Variants in RNF126 observed in about 807,000 individuals in gnomAD.
The protein encoded by RNF126 is E3 ubiquitin-protein ligase RNF126.
RNF126 carries 20 observed loss-of-function variants against 41.9 expected under a neutral mutation model. The ratio of observed to expected loss-of-function variants is 0.48; its 90% confidence interval spans 0.34 to 0.69. RNF126 has a LOEUF of 0.69. RNF126 is among the 30% of genes least tolerant of loss of function. The pLI, the probability that RNF126 is intolerant of heterozygous loss-of-function variation, is 0.01. For missense variants in RNF126, 433 were observed against 460.6 expected (o/e 0.94, Z 0.55); for synonymous variants, 239 against 202.9 (o/e 1.18, Z -1.51).
At chr19:655,319 C>A (rs1413139679) in intron 1 of RNF126, among the ~76,000 whole-genome samples, 1 of 150,706 alleles carries the variant, frequency 6.6e-6, no homozygotes, top group Non-Finnish European at 1.5e-5. Context: ...CAGAACCAGA[C>A]CCTGCCAAAA....
rs760934536 is a variant in RNF126 at position 651,431 on chromosome 19, C to T, written c.443+180G>A. ...AACCCACACACCCTGAACCGGCATACTTCTGTCTCCGAAGGGCCGTGTGGG... is the reference window on the plus strand; with the variant it reads ...AACCCACACACCCTGAACCGGCATATTTCTGTCTCCGAAGGGCCGTGTGGG... On this transcript the variant is annotated intron_variant, in intron 4 of 8. Coordinates refer to ENST00000292363, the MANE Select transcript of RNF126 (RefSeq NM_194460.3). 32 of 538,046 alleles carry T rather than the reference C, an allele frequency of 5.9e-5. 1 individual carries two copies. The highest frequency in any genetic ancestry group is 8.8e-5 in the Non-Finnish European group (30 of 339,160). The allele number at this position is 538,046 out of a possible 1,614,324, so 33.3% of individuals were successfully genotyped here. A position where few individuals can be genotyped will look rare whatever the true frequency, so the allele number is the denominator to read the frequency against.
chr19:653,206 G>C (rs1446055041), intron 1 of RNF126, among the ~76,000 whole-genome samples: 1 of 152,078 alleles, frequency 6.6e-6, no homozygotes, highest in African/African-American at 2.4e-5. Context: ...ACCAGTGCCT[G>C]GGCACCTCCT....
chr19:655,873 G>C (rs946025745), intron 1 of RNF126, among the ~76,000 whole-genome samples: 2 of 152,152 alleles, frequency 1.3e-5, no homozygotes, highest in African/African-American at 4.8e-5. Flanking sequence ...GCCCAGACCA[G>C]GCCACGGCGG....
intron 1 of RNF126, among the ~76,000 whole-genome samples, chr19:657,690 G>A (rs976886850): frequency 2.6e-5 from 4 of 152,312 alleles, no homozygotes; most frequent in African/African-American, 9.6e-5. Context: ...GACGCCAAGG[G>A]CTGCGACCCA....
chr19:654,601 C>T (rs1434359695), intron 1 of RNF126, among the ~76,000 whole-genome samples: 4 of 115,426 alleles, frequency 3.5e-5, no homozygotes, highest in African/African-American at 1.4e-4. Flanking sequence ...TGAGATTGTG[C>T]CATTGCACTG....
In RNF126 at chr19:653,715, G is replaced by A. The variant is rs189306354; in HGVS notation, c.76-831C>T. On this transcript the variant is annotated intron_variant, in intron 1 of 8. Transcript: ENST00000292363. ...CCTCACCAGGGGCTGGGCAGATGCC[G>A]ACACACACTTCCCGCACAGCCTGCA... Among the ~76,000 whole-genome samples the A allele has an allele frequency of 2.8e-3, 419 of 152,272 alleles. 1 individual carries two copies. Among genetic ancestry groups the A allele is most frequent in the Non-Finnish European group, 3.4e-3 (232 of 68,018 alleles).
At chr19:651,572 G>C (rs776165298) in intron 4 of RNF126, 39 bp downstream of exon 4, 1 of 1,387,374 alleles carries the variant, frequency 7.2e-7, no homozygotes, top group Admixed American at 3.2e-5. Context: ...CCGACCTCAA[G>C]GCGTGGGGCC....
chr19:649,058 A>G (rs1215781834), intron 6 of RNF126, 83 bp from the exon 7 acceptor site: 15 of 651,850 alleles, frequency 2.3e-5, no homozygotes, highest in Non-Finnish European at 3.0e-5. Flanking sequence ...AGGACCTGCA[A>G]AAGCACCGAG....
rs375494893 is a variant in RNF126 at position 648,520 on chromosome 19, C to T, written c.671-33G>A. 1.6e-3 allele frequency: 2,381 copies of T among 1,504,022 alleles called. 13 individuals carry two copies. The highest frequency in any genetic ancestry group is 5.1e-3 in the South Asian group (423 of 83,406). 93.2% of individuals were successfully genotyped at this position (1,504,022 alleles called of 1,614,324 possible). A position where few individuals can be genotyped will look rare whatever the true frequency, so the allele number is the denominator to read the frequency against. The stretch of plus-strand genomic sequence containing the variant: ...AGTGTGCAGCTGCGGTCACAGCGGG[C>T]GTGGGGGGCCTGCCGAGCCTTCAAG... On this transcript the variant is annotated intron_variant, in intron 7 of 8. Coordinates refer to ENST00000292363, the MANE Select transcript of RNF126 (RefSeq NM_194460.3).
chr19:654,317 G>A (rs913089117), intron 1 of RNF126, among the ~76,000 whole-genome samples: 4 of 152,178 alleles, frequency 2.6e-5, no homozygotes, highest in Admixed American at 2.6e-4. Flanking sequence ...CACCACATGC[G>A]TTTCAGCCCA....
At chr19:654,247 G>A (rs2030459390) in intron 1 of RNF126, among the ~76,000 whole-genome samples, 2 of 152,252 alleles carry the variant, frequency 1.3e-5, no homozygotes, top group South Asian at 4.1e-4. Context: ...AGGGGAGAGT[G>A]AAGAGGCACC....
chr19:656,036 G>C (rs2030549659), intron 1 of RNF126, among the ~76,000 whole-genome samples: 1 of 152,102 alleles, frequency 6.6e-6, no homozygotes, highest in African/African-American at 2.4e-5. Flanking sequence ...CAGGGCCTGG[G>C]GGAGGGGACG....
In RNF126 at chr19:663,038, G is replaced by T; in HGVS notation, c.75+9C>A. The T allele has an allele frequency of 7.4e-7, 1 of 1,353,638 alleles. No homozygotes were observed. Among genetic ancestry groups the T allele is most frequent in the Admixed American group, 3.1e-5 (1 of 32,328 alleles). 83.9% of individuals were successfully genotyped at this position (1,353,638 alleles called of 1,614,324 possible). On this transcript the variant is annotated intron_variant, in intron 1 of 8. Transcript: ENST00000292363. ...ACCCTGCCGCCCGCCGCCCCGGCCC[G>T]GGCCTCACCGGCAGGCGCGGGACGA...
rs368141828 is a variant in RNF126 at position 648,099 on chromosome 19, C to T, written c.*29G>A. ...CTGGCTGAGGGTGGGTGGGAAAGGC[C>T]CCGTGCTTTCCCGACGGCCGACGTG... On this transcript the variant is annotated 3_prime_UTR_variant, in exon 9 of 9. Transcript: ENST00000292363. 6.5e-7 allele frequency: 1 copy of T among 1,538,358 alleles called. No homozygotes were observed.
Position 649,715 on chromosome 19 carries a change from G to T in RNF126, c.540C>A (p.Ala180=). 1 of 1,571,430 alleles carries T rather than the reference G, an allele frequency of 6.4e-7. No homozygotes were observed. The highest frequency in any genetic ancestry group is 8.6e-7 in the Non-Finnish European group (1 of 1,156,474). The change falls in exon 6 of 9, where the codon GCC becomes GCA. Residue 180 remains alanine, a synonymous_variant. Coordinates refer to ENST00000292363, the MANE Select transcript of RNF126 (RefSeq NM_194460.3). The stretch of plus-strand genomic sequence containing the variant: ...TGGCATCCAGGCCGTTGGCCCCCCA[G>T]GCGTAGTCCATAGGGTTTGAGTGCA... ...GVLHSNPMDY[A]WGANGLDAII... is the part of the protein sequence containing the mutation.
chr19:649,460 G>A (rs967046709), intron 6 of RNF126: 7 of 565,750 alleles, frequency 1.2e-5, no homozygotes, highest in African/African-American at 5.7e-5. Context: ...TTGCTACAAC[G>A]TTCCGCGTGA....
At chr19:656,706 C>T (rs1012925747) in intron 1 of RNF126, among the ~76,000 whole-genome samples, 1 of 152,058 alleles carries the variant, frequency 6.6e-6, no homozygotes, top group Non-Finnish European at 1.5e-5. Flanking sequence ...ACCACTGTGG[C>T]CCTGAGCTTA....
chr19:648,364 G>GGCC lies in RNF126; in HGVS notation c.786+7_786+8insGGC. 2.2e-5 allele frequency: 11 copies of GGCC among 510,246 alleles called. No homozygotes were observed. The highest frequency in any genetic ancestry group is 6.4e-5 in the East Asian group (1 of 15,572). 31.6% of individuals were successfully genotyped at this position (510,246 alleles called of 1,614,324 possible). On this transcript the variant is annotated splice_region_variant and intron_variant, in intron 8 of 8. Transcript: ENST00000292363. Reference sequence around the variant, plus strand: ...CGGGGTGGGGGGGCGGGTGGGCGGGGCACTCACCTGCTCCAGCCAGGGCAC... The same window carrying GGCC: ...CGGGGTGGGGGGGCGGGTGGGCGGGGGCCCACTCACCTGCTCCAGCCAGGGCAC...
intron 1 of RNF126, among the ~76,000 whole-genome samples, chr19:655,909 G>A (rs1044023567): frequency 9.9e-5 from 15 of 152,102 alleles, no homozygotes; most frequent in Admixed American, 7.2e-4. Flanking sequence ...GCATCTTGAG[G>A]ACATCACGTC....
Sources: allele counts gnomAD v4.1 joint callset (sites outside exome capture counted in the v4.1 genomes callset), GRCh38; gene constraint gnomAD v4.1.1; transcripts MANE v1.5; gene names NCBI Gene and HGNC (gene_info 2026-07-23, HGNC 2026-07-21).